Variants in ZIM3 observed in about 807,000 individuals in gnomAD.
ZIM3 encodes the protein zinc finger protein 657.
In ZIM3, 11 loss-of-function variants were observed where a neutral mutation model predicts 12.9. That is an observed-to-expected ratio of 0.85 (90% confidence interval 0.54 to 1.41). ZIM3 has a LOEUF of 1.41. ZIM3 is among the 40% of genes most tolerant of loss of function. ZIM3 has a pLI of 0.00. For synonymous variants in ZIM3, 205 were observed against 198.5 expected, an observed-to-expected ratio of 1.03 and a Z score of -0.28; for missense variants, 604 against 557.2, an observed-to-expected ratio of 1.08 and a Z score of -0.85.
intron 3 of ZIM3, among the ~76,000 whole-genome samples, chr19:57,138,242 A>T (rs1279682941): frequency 6.6e-6 from 1 of 152,130 alleles, no homozygotes; most frequent in Non-Finnish European, 1.5e-5. Flanking sequence ...CAGCCCACAA[A>T]ACTTACAGAG....
Position 57,144,942 on chromosome 19 carries a change from A to G in ZIM3, c.-126T>C, listed in dbSNP as rs939103218. On this transcript the variant is annotated 5_prime_UTR_variant, in exon 1 of 5. Transcript: ENST00000269834. ...TTCTTCTGAAAGGGACTGAAAATGA[A>G]AAGGCGTGTATACTGAAAAGCTACA... The G allele has an allele frequency of 6.6e-6, 1 of 152,216 alleles. No homozygotes were observed. The highest frequency in any genetic ancestry group is 2.4e-5 in the African/African-American group (1 of 41,456). The allele number at this position is 152,216 out of a possible 1,614,324, so 9.4% of individuals were successfully genotyped here.
intron 2 of ZIM3, among the ~76,000 whole-genome samples, chr19:57,139,640 C>T (rs1162529895): frequency 6.6e-6 from 1 of 152,054 alleles, no homozygotes; most frequent in Non-Finnish European, 1.5e-5. Flanking sequence ...GCAGGAGAAT[C>T]GCTTGAACCC....
chr19:57,137,444 G>C (rs1191152005), intron 3 of ZIM3, among the ~76,000 whole-genome samples: 1 of 152,028 alleles, frequency 6.6e-6, no homozygotes, highest in African/African-American at 2.4e-5. Flanking sequence ...CAGGCGTGGT[G>C]GTTCATGCCT....
intron 2 of ZIM3, 131 bp from the exon 3 acceptor site, chr19:57,138,729 T>C: frequency 1.6e-6 from 2 of 1,241,882 alleles, no homozygotes; most frequent in African/African-American, 1.5e-5. Flanking sequence ...GAAAATAAAT[T>C]GTGCCCAGAG....
At chr19:57,137,686 C>A (rs2086892689) in intron 3 of ZIM3, among the ~76,000 whole-genome samples, 1 of 148,484 alleles carries the variant, frequency 6.7e-6, no homozygotes, top group Admixed American at 6.7e-5. Flanking sequence ...GCACTCCAGC[C>A]TGGGTGACAG....
rs548464379 is a variant in ZIM3 at position 57,143,733 on chromosome 19, T to C, written c.-42-1048A>G. 4.0e-5 allele frequency among the ~76,000 whole-genome samples: 6 copies of C among 150,396 alleles called. No individual in the cohort carries two copies. The South Asian group carries it at 1.3e-3, about 32-fold the overall frequency. ...CTCTGTCGCCCAGGCTGGAGTGCAG[T>C]GGCACAGTCTCGGCTCACTGCAACC... On this transcript the variant is annotated intron_variant, in intron 1 of 4. Coordinates refer to ENST00000269834, the MANE Select transcript of ZIM3 (RefSeq NM_052882.1).
rs564052429 is a variant in ZIM3, at chr19:57,134,847, C to G, written c.*71G>C. 31 of 1,481,668 alleles carry G rather than the reference C, an allele frequency of 2.1e-5. No individual in the cohort carries two copies. The East Asian group carries it at 3.9e-4, about 18-fold the overall frequency. 91.8% of individuals were successfully genotyped at this position (1,481,668 alleles called of 1,614,324 possible). A position where few individuals can be genotyped will look rare whatever the true frequency, so the allele number is the denominator to read the frequency against. ...ATAGCCTCCAAATTAGAGGCCATTT[C>G]AACATGGAATTCTGGGGTGACAATT... is the stretch of plus-strand genomic sequence containing the variant. On this transcript the variant is annotated 3_prime_UTR_variant, in exon 5 of 5. Transcript: ENST00000269834.
At chr19:57,140,893 T>C in intron 2 of ZIM3, among the ~76,000 whole-genome samples, 1 of 152,234 alleles carries the variant, frequency 6.6e-6, no homozygotes, top group Non-Finnish European at 1.5e-5. Flanking sequence ...ATCCATAATT[T>C]ACTTTGATTC....
At position 57,135,122 on chromosome 19, in the gene ZIM3, G is replaced by T; in HGVS notation, c.1215C>A (p.Asn405Lys). 6.2e-7 allele frequency: 1 copy of T among 1,614,152 alleles called. No individual in the cohort carries two copies. The highest frequency in any genetic ancestry group is 8.5e-7 in the Non-Finnish European group (1 of 1,180,026). Residue 405 changes from asparagine to lysine, a missense_variant, in exon 5 of 5, where the codon AAC becomes AAA. By Grantham distance (94) the Asn-to-Lys change is moderately conservative (BLOSUM62 0). Coordinates refer to ENST00000269834, the MANE Select transcript of ZIM3 (RefSeq NM_052882.1). The stretch of plus-strand genomic sequence containing the variant: ...TATGAGTTTTCTGATGGCTATGAAG[G>T]TTTGACTTCTGAAAGAAGGCTTTTC... ...RCGKAFFQKS[N>K]LHSHQKTHSG...
At chr19:57,137,289 A>G (rs78028123) in intron 3 of ZIM3, among the ~76,000 whole-genome samples, 1,708 of 152,220 alleles carry the variant, frequency 0.011, 36 homozygotes, top group African/African-American at 0.039. Context: ...ATTTGAGACC[A>G]ACATGTTACA....
rs777746043 is a variant in ZIM3 at position 57,134,917 on chromosome 19, C to T, written c.*1G>A. 19 of 1,603,810 alleles carry T rather than the reference C, an allele frequency of 1.2e-5. No individual in the cohort carries two copies. The highest frequency in any genetic ancestry group is 1.6e-5 in the Non-Finnish European group (19 of 1,174,850). On this transcript the variant is annotated 3_prime_UTR_variant, in exon 5 of 5. Transcript: ENST00000269834. ...CATGTTTTTTTAAGTGCATGGGGCT[C>T]CTATCTGGAGTGAATTCTTTTCTGG...
chr19:57,138,068 A>G (rs1174386839), intron 3 of ZIM3, among the ~76,000 whole-genome samples: 1 of 111,410 alleles, frequency 9.0e-6, no homozygotes, highest in Admixed American at 9.0e-5. Flanking sequence ...GGAAGGAAGG[A>G]AGGAAGGAAA....
rs140588362 is a variant in ZIM3 at position 57,138,309 on chromosome 19, C to A, written c.142+163G>T. ...CCTGAGAATGGGGGCTCCTTCAATA[C>A]AGCACTTGGTACACTTCACTTGCCT... On this transcript the variant is annotated intron_variant, in intron 3 of 4. Coordinates refer to ENST00000269834, the MANE Select transcript of ZIM3 (RefSeq NM_052882.1). 5.3e-5 allele frequency among the ~76,000 whole-genome samples: 8 copies of A among 152,282 alleles called. No homozygotes were observed. In the East Asian group the frequency reaches 1.4e-3, roughly 26 times the overall value.
chr19:57,140,475 C>CT (rs578056799), intron 2 of ZIM3, among the ~76,000 whole-genome samples: 7 of 150,904 alleles, frequency 4.6e-5, no homozygotes, highest in Non-Finnish European at 8.9e-5. Context: ...CGCACCCGGC[C>CT]TTTTTTTTTA....
chr19:57,143,488 C>T (rs1304535880), intron 1 of ZIM3, among the ~76,000 whole-genome samples: 2 of 152,034 alleles, frequency 1.3e-5, no homozygotes, highest in African/African-American at 4.8e-5. Context: ...CAGCTGTGGT[C>T]GTGACGAATA....
In ZIM3 at chr19:57,141,044, T is replaced by A. The variant is rs151268740; in HGVS notation, c.15+1585A>T. Among the ~76,000 whole-genome samples the A allele has an allele frequency of 8.1e-3, 1,227 of 152,208 alleles. 16 individuals are homozygous for A. The highest frequency in any genetic ancestry group is 0.028 in the African/African-American group (1,180 of 41,534). On this transcript the variant is annotated intron_variant, in intron 2 of 4. Transcript: ENST00000269834. ...AAAATAGGTTGGGGTGAAACACACA[T>A]GACACTGTTACATCTCAGGGCTTAG...
At chr19:57,138,413 G>C in intron 3 of ZIM3, 59 bp downstream of exon 3, 1 of 1,612,564 alleles carries the variant, frequency 6.2e-7, no homozygotes, top group South Asian at 1.1e-5. Flanking sequence ...CAGCCATGGG[G>C]TGTCTGTGTG....
intron 4 of ZIM3, among the ~76,000 whole-genome samples, chr19:57,136,537 G>A (rs192615521): frequency 6.6e-6 from 1 of 151,944 alleles, no homozygotes; most frequent in East Asian, 1.9e-4. Flanking sequence ...GGTGGCAAGT[G>A]CCTGTAATCC....
At chr19:57,142,937 T>C (rs2086920318) in intron 1 of ZIM3, among the ~76,000 whole-genome samples, 1 of 152,146 alleles carries the variant, frequency 6.6e-6, no homozygotes, top group African/African-American at 2.4e-5. Context: ...CTCACGCCTG[T>C]AATCCCAGCA....
Sources: gnomAD v4.1 joint callset for allele counts (sites outside exome capture counted in the v4.1 genomes callset) on GRCh38, gnomAD v4.1.1 for gene constraint, MANE v1.5 for transcripts, NCBI Gene and HGNC (gene_info 2026-07-23, HGNC 2026-07-21) for gene names.